Variants in AKT3 observed in about 807,000 individuals in gnomAD.
AKT3 encodes AKT serine/threonine kinase 3.
AKT3 carries 15 observed loss-of-function variants against 65.3 expected under a neutral mutation model. That is an observed-to-expected ratio of 0.23 (90% CI 0.15 to 0.35). The LOEUF is 0.35. Among genes scored for constraint, AKT3 ranks in the 10% least tolerant of loss-of-function variants. The pLI, the probability that AKT3 is intolerant of heterozygous loss-of-function variation, is 1.00. For synonymous variants in AKT3, 206 were observed against 183.8 expected, an observed-to-expected ratio of 1.12 and a Z score of -0.98; for missense variants, 243 against 576.5, an observed-to-expected ratio of 0.42 and a Z score of 5.92.
At chr1:243,581,190 CA>C (rs2148524854) in intron 8 of AKT3, among the ~76,000 whole-genome samples, 1 of 152,360 alleles carries the variant, frequency 6.6e-6, no homozygotes, top group East Asian at 1.9e-4. Flanking sequence ...TGTCTGTCAT[CA>C]GGGGACCTGT....
intron 2 of AKT3, chr1:243,735,712 T>C (rs1242846758): frequency 6.6e-6 from 1 of 152,144 alleles, no homozygotes; most frequent in Non-Finnish European, 1.5e-5. Context: ...TTTTATTAGA[T>C]AGCTGCAAAA....
intron 5 of AKT3, among the ~76,000 whole-genome samples, chr1:243,640,999 G>A (rs944425374): frequency 2.0e-5 from 3 of 151,976 alleles, no homozygotes; most frequent in African/African-American, 7.2e-5. Flanking sequence ...TAAGCCGGGT[G>A]GGCACCATCT....
chr1:243,625,183 G>A (rs1338397973), intron 6 of AKT3: 1 of 141,614 alleles, frequency 7.1e-6, no homozygotes, highest in Non-Finnish European at 1.4e-5. Context: ...CCAGGCTGGA[G>A]TACAGTGGCA....
At chr1:243,564,732 T>C (rs796643772) in intron 9 of AKT3, among the ~76,000 whole-genome samples, 34 of 152,316 alleles carry the variant, frequency 2.2e-4, no homozygotes, top group African/African-American at 7.9e-4. Context: ...TCAGGGCCCA[T>C]AAAACTTTGC....
intron 2 of AKT3, among the ~76,000 whole-genome samples, chr1:243,721,968 T>G (rs2148116682): frequency 6.6e-6 from 1 of 152,282 alleles, no homozygotes; most frequent in East Asian, 1.9e-4. Context: ...ATTTTCAACT[T>G]TTATAGCAGA....
chr1:243,622,991 C>T (rs1187124286), intron 6 of AKT3, among the ~76,000 whole-genome samples: 3 of 152,204 alleles, frequency 2.0e-5, no homozygotes, highest in African/African-American at 7.2e-5. Context: ...GTTGCCCAAA[C>T]TCTACACATT....
At position 243,830,525 on chromosome 1, in the gene AKT3, G is replaced by A. The variant is rs1341840179; in HGVS notation, c.46+12600C>T. On this transcript the variant is annotated intron_variant, in intron 2 of 13. Transcript: ENST00000673466. ...CGAAAAATCCGAAGGCCTATAAACT[G>A]GAAAACAGAACTTGTTTTATATTGC... 3.3e-5 allele frequency among the ~76,000 whole-genome samples: 5 copies of A among 152,148 alleles called. No homozygotes were observed. The East Asian group carries it at 9.7e-4, about 29-fold the overall frequency.
chr1:243,642,556 A>C (rs185175779), intron 5 of AKT3, among the ~76,000 whole-genome samples: 13 of 152,058 alleles, frequency 8.5e-5, no homozygotes, highest in African/African-American at 2.4e-4. Flanking sequence ...TGATCCGCCC[A>C]CCTTGGCCTC....
At chr1:243,816,683 T>C (rs1380744836) in intron 2 of AKT3, among the ~76,000 whole-genome samples, 2 of 152,154 alleles carry the variant, frequency 1.3e-5, no homozygotes, top group South Asian at 2.1e-4. Context: ...AGAAATAGTT[T>C]CTATCAAGAG....
chr1:243,638,357 G>A (rs1197394119), intron 5 of AKT3, among the ~76,000 whole-genome samples: 1 of 152,118 alleles, frequency 6.6e-6, no homozygotes, highest in Non-Finnish European at 1.5e-5. Context: ...TTTAATTAAT[G>A]TGCCTGTTTT....
intron 2 of AKT3, among the ~76,000 whole-genome samples, chr1:243,744,666 G>A (rs1422239198): frequency 6.6e-6 from 1 of 150,522 alleles, no homozygotes; most frequent in Non-Finnish European, 1.5e-5. Flanking sequence ...GTGAACCCGG[G>A]AGGCGGAGCT....
chr1:243,510,059 C>T (rs1669922415), intron 13 of AKT3, among the ~76,000 whole-genome samples: 1 of 152,138 alleles, frequency 6.6e-6, no homozygotes, highest in African/African-American at 2.4e-5. Context: ...CTATGACTTC[C>T]AAAATAACAT....
At chr1:243,550,593 G>A (rs537197578) in intron 11 of AKT3, among the ~76,000 whole-genome samples, 1 of 151,936 alleles carries the variant, frequency 6.6e-6, no homozygotes, top group East Asian at 1.9e-4. Context: ...ATAAGAAAAC[G>A]ATGAGATAAA....
chr1:243,505,364 T>C, intron 13 of AKT3, 30 bp from the exon 14 acceptor site: 1 of 1,595,944 alleles, frequency 6.3e-7, no homozygotes, highest in Non-Finnish European at 8.6e-7. Context: ...ATTTTAATTT[T>C]ACACATTCAT....
At chr1:243,700,779 G>A (rs1295852513) in intron 2 of AKT3, among the ~76,000 whole-genome samples, 2 of 152,168 alleles carry the variant, frequency 1.3e-5, no homozygotes, top group East Asian at 1.9e-4. Context: ...TGGGATTACA[G>A]GCGTGAGCCA....
intron 10 of AKT3, among the ~76,000 whole-genome samples, chr1:243,559,969 C>T (rs989746471): frequency 6.6e-5 from 10 of 152,138 alleles, no homozygotes; most frequent in Non-Finnish European, 1.5e-4. Context: ...CAATCGCTCC[C>T]TAACACTGAC....
At chr1:243,538,811 A>AAT (rs1325162893) in intron 12 of AKT3, among the ~76,000 whole-genome samples, 1 of 151,866 alleles carries the variant, frequency 6.6e-6, no homozygotes, top group Non-Finnish European at 1.5e-5. Context: ...GCCTGCACAA[A>AAT]ATAGCAAGAC....
chr1:243,518,729 A>T (rs945663569), intron 12 of AKT3, among the ~76,000 whole-genome samples: 2 of 152,226 alleles, frequency 1.3e-5, no homozygotes, highest in African/African-American at 4.8e-5. Context: ...AATATATAAT[A>T]TTCTTGAGTA....
At chr1:243,788,140 G>T (rs947925158) in intron 2 of AKT3, among the ~76,000 whole-genome samples, 6 of 152,136 alleles carry the variant, frequency 3.9e-5, no homozygotes, top group Non-Finnish European at 8.8e-5. Context: ...ACCTGCTAAT[G>T]ATGTACACTT....
Sources: gnomAD v4.1 joint callset for allele counts (sites outside exome capture counted in the v4.1 genomes callset) on GRCh38, gnomAD v4.1.1 for gene constraint, MANE v1.5 for transcripts, NCBI Gene and HGNC (gene_info 2026-07-23, HGNC 2026-07-21) for gene names.